The following ARHGEF10L variants were observed in gnomAD, a reference collection of about 807,000 sequenced individuals.
ARHGEF10L encodes the protein rho guanine nucleotide exchange factor 10-like protein.
ARHGEF10L carries 69 observed loss-of-function variants against 141.2 expected under a neutral mutation model. The ratio of observed to expected loss-of-function variants is 0.49; its 90% CI spans 0.40 to 0.60. The LOEUF is 0.60. Among genes scored for constraint, ARHGEF10L ranks in the 20% least tolerant of loss-of-function variants. The pLI, the probability that ARHGEF10L is intolerant of heterozygous loss-of-function variation, is 0.00. For synonymous variants in ARHGEF10L, 711 were observed against 718.5 expected, an observed-to-expected ratio of 0.99 and a Z score of 0.17; for missense variants, 1,482 against 1,734.3, an observed-to-expected ratio of 0.85 and a Z score of 2.58.
chr1:17,533,080 G>C, the ARHGEF10L span, among the ~76,000 whole-genome samples: 2 of 152,124 alleles, frequency 1.3e-5, no homozygotes, highest in Admixed American at 1.3e-4. Flanking sequence ...CTCATCACAG[G>C]CTTCTTGGCT....
chr1:17,553,061 C>T (rs2077175123), intron 1 of ARHGEF10L, among the ~76,000 whole-genome samples: 1 of 152,212 alleles, frequency 6.6e-6, no homozygotes. Context: ...TCCAGTGGGC[C>T]TCAGCCCCTG....
intron 26 of ARHGEF10L, among the ~76,000 whole-genome samples, chr1:17,672,074 C>T (rs920476645): frequency 3.3e-5 from 5 of 152,150 alleles, no homozygotes; most frequent in African/African-American, 1.2e-4. Context: ...TGCCTCCTGC[C>T]GGTACCTCTG....
At chr1:17,686,608 G>A (rs568311778) in intron 26 of ARHGEF10L, among the ~76,000 whole-genome samples, 86 of 152,256 alleles carry the variant, frequency 5.6e-4, no homozygotes, top group African/African-American at 1.8e-3. Context: ...GGGGCAGTGC[G>A]TGCTGTGTGC....
At chr1:17,605,488 G>A (rs898459794) in intron 6 of ARHGEF10L, among the ~76,000 whole-genome samples, 3 of 152,188 alleles carry the variant, frequency 2.0e-5, no homozygotes, top group African/African-American at 4.8e-5. Flanking sequence ...GTTGGCCCTC[G>A]GGCTGCACAC....
chr1:17,600,207 AG>A (rs1412645603), intron 4 of ARHGEF10L, among the ~76,000 whole-genome samples: 2 of 152,222 alleles, frequency 1.3e-5, no homozygotes, highest in Admixed American at 6.5e-5. Context: ...CCTGGCTCAC[AG>A]GAGGTGCTCA....
chr1:17,588,552 G>A, intron 4 of ARHGEF10L, 73 bp downstream of exon 4: 1 of 1,590,646 alleles, frequency 6.3e-7, no homozygotes, highest in Non-Finnish European at 8.6e-7. Flanking sequence ...GGGATGGGGT[G>A]GAGCTGAGGC....
chr1:17,657,455 T>C (rs2062339498), intron 25 of ARHGEF10L, among the ~76,000 whole-genome samples: 1 of 151,992 alleles, frequency 6.6e-6, no homozygotes, highest in African/African-American at 2.4e-5. Flanking sequence ...GGGGGCTGAG[T>C]AGAGAGTGTA....
intron 15 of ARHGEF10L, among the ~76,000 whole-genome samples, chr1:17,630,724 C>G (rs556944996): frequency 6.6e-6 from 1 of 152,356 alleles, no homozygotes; most frequent in South Asian, 2.1e-4. Flanking sequence ...CCTCAAGGAC[C>G]GCTGAGCTGA....
At chr1:17,555,325 T>A (rs1029074579) in intron 1 of ARHGEF10L, among the ~76,000 whole-genome samples, 1 of 152,158 alleles carries the variant, frequency 6.6e-6, no homozygotes, top group Non-Finnish European at 1.5e-5. Context: ...ATATACAGAT[T>A]GACAACACTG....
At chr1:17,696,212 C>CAAA (rs33980606) in intron 28 of ARHGEF10L, among the ~76,000 whole-genome samples, 1,986 of 126,932 alleles carry the variant, frequency 0.016, 51 homozygotes, top group African/African-American at 0.042. Context: ...GACACCATCT[C>CAAA]AAAAAAAAAA....
chr1:17,659,942 AGT>A (rs1300571591), intron 25 of ARHGEF10L, among the ~76,000 whole-genome samples: 1 of 152,206 alleles, frequency 6.6e-6, no homozygotes, highest in African/African-American at 2.4e-5. Context: ...GTGGCCTCAG[AGT>A]CCCACCTGCA....
At chr1:17,690,886 G>A (rs1429660154) in intron 27 of ARHGEF10L, among the ~76,000 whole-genome samples, 1 of 152,212 alleles carries the variant, frequency 6.6e-6, no homozygotes, top group Non-Finnish European at 1.5e-5. Context: ...GGATTCTTAA[G>A]TTCTTTATTA....
At chr1:17,534,296 G>A in the ARHGEF10L span, among the ~76,000 whole-genome samples, 12 of 152,072 alleles carry the variant, frequency 7.9e-5, no homozygotes, top group African/African-American at 2.9e-4. Flanking sequence ...CTAATCTTTT[G>A]TATTTTTAGT....
chr1:17,662,271 C>G (rs139819085), intron 25 of ARHGEF10L, among the ~76,000 whole-genome samples: 1 of 152,112 alleles, frequency 6.6e-6, no homozygotes. Context: ...CAGAACGCTG[C>G]GTAACAACCG....
chr1:17,631,241 G>T (rs139983133), intron 15 of ARHGEF10L, among the ~76,000 whole-genome samples: 99 of 152,204 alleles, frequency 6.5e-4, no homozygotes, highest in African/African-American at 2.3e-3. Context: ...TTTTGGGAAT[G>T]AATTTTGCTG....
chr1:17,596,177 C>A (rs76231373), intron 4 of ARHGEF10L, among the ~76,000 whole-genome samples: 27,402 of 152,208 alleles, frequency 0.18, 3,022 homozygotes, highest in African/African-American at 0.3. Flanking sequence ...TCTAGGGGCG[C>A]CCTGCTGACT....
Position 17,697,382 on chromosome 1 carries a change from G to A in ARHGEF10L, c.*2G>A, listed in dbSNP as rs11589634. ...TGGCAGGTGCCCTTGATGCTATAGCGCCTCCCCTCTCCCCTCAGAGGGCAC... is the reference window on the plus strand; with the variant it reads ...TGGCAGGTGCCCTTGATGCTATAGCACCTCCCCTCTCCCCTCAGAGGGCAC... On this transcript the variant is annotated 3_prime_UTR_variant, in exon 29 of 29. Coordinates refer to ENST00000361221, the MANE Select transcript of ARHGEF10L (RefSeq NM_018125.4). This position sits in a 1 kb window ranked among gnomAD's most constrained non-coding sequence, Gnocchi z 4.8. The A allele has an allele frequency of 0.1, 159,299 of 1,580,028 alleles. 8,573 individuals carry two copies. The highest frequency in any genetic ancestry group is 0.11 in the African/African-American group (8,396 of 74,472).
chr1:17,578,693 A>G (rs1334735788), intron 1 of ARHGEF10L, among the ~76,000 whole-genome samples: 1 of 152,164 alleles, frequency 6.6e-6, no homozygotes, highest in Non-Finnish European at 1.5e-5. Flanking sequence ...CTCAGTACCT[A>G]TCGATGGGGG....
At chr1:17,583,113 G>A (rs142443312) in intron 2 of ARHGEF10L, among the ~76,000 whole-genome samples, 205 of 150,848 alleles carry the variant, frequency 1.4e-3, no homozygotes, top group African/African-American at 4.7e-3. Flanking sequence ...TCTGAAGTAG[G>A]AGGATCACTT....
Sources: allele counts gnomAD v4.1 joint callset (sites outside exome capture counted in the v4.1 genomes callset), GRCh38; gene constraint gnomAD v4.1.1; non-coding constraint Gnocchi (gnomAD v3.1); transcripts MANE v1.5; gene names NCBI Gene and HGNC (gene_info 2026-07-23, HGNC 2026-07-21).